Variants in SAMMSON observed in about 807,000 individuals in gnomAD.
The protein encoded by SAMMSON is survival associated mitochondrial melanoma specific oncogenic non-coding RNA, also known as long intergenic non-protein coding RNA 1212.
At chr3:70,065,799 G>A (rs975771729) in intron 3 of SAMMSON, among the ~76,000 whole-genome samples, 1 of 152,198 alleles carries the variant, frequency 6.6e-6, no homozygotes, top group African/African-American at 2.4e-5. Flanking sequence ...AATGTTAATA[G>A]CGCCAAGGTG....
chr3:70,068,716 G>C (rs2107593997), intron 3 of SAMMSON: 1 of 152,186 alleles, frequency 6.6e-6, no homozygotes, highest in Admixed American at 6.6e-5. Context: ...AAAAATATTG[G>C]ATTATTGTGG....
At chr3:70,001,128 A>G (rs1377757438) in intron 1 of SAMMSON, among the ~76,000 whole-genome samples, 1 of 152,030 alleles carries the variant, frequency 6.6e-6, no homozygotes, top group East Asian at 1.9e-4. Flanking sequence ...ATTGATAACA[A>G]CAATCCCCGA....
chr3:70,010,747 A>G (rs1002737226), intron 1 of SAMMSON, among the ~76,000 whole-genome samples: 1 of 152,098 alleles, frequency 6.6e-6, no homozygotes, highest in Admixed American at 6.6e-5. Context: ...GGCTTAATTG[A>G]CTCACAGTTC....
intron 9 of SAMMSON, among the ~76,000 whole-genome samples, chr3:70,360,258 A>G (rs1702861854): frequency 6.6e-6 from 1 of 152,156 alleles, no homozygotes; most frequent in South Asian, 2.1e-4. Flanking sequence ...AACATGTAAA[A>G]TTAAACTAGT....
At chr3:70,125,714 G>A (rs2067455090) in intron 4 of SAMMSON, 1 of 682,572 alleles carries the variant, frequency 1.5e-6, no homozygotes, top group East Asian at 2.7e-5. Flanking sequence ...AACAGCACTA[G>A]ATGTAAACTG....
At chr3:70,096,661 G>C (rs2067324092) in intron 4 of SAMMSON, among the ~76,000 whole-genome samples, 1 of 152,112 alleles carries the variant, frequency 6.6e-6, no homozygotes, top group South Asian at 2.1e-4. Flanking sequence ...TCAAAGGAAG[G>C]ATACTACACA....
chr3:70,264,570 C>A (rs1366099379), intron 6 of SAMMSON, among the ~76,000 whole-genome samples: 2 of 152,186 alleles, frequency 1.3e-5, no homozygotes, highest in Admixed American at 6.5e-5. Flanking sequence ...TTGGGTGAGT[C>A]AAACAGTTGC....
chr3:70,079,929 G>A (rs1045468334), intron 4 of SAMMSON, among the ~76,000 whole-genome samples: 1 of 152,154 alleles, frequency 6.6e-6, no homozygotes, highest in Non-Finnish European at 1.5e-5. Context: ...GGCAGCAAAT[G>A]GCTTGCTGAT....
intron 2 of SAMMSON, among the ~76,000 whole-genome samples, chr3:70,427,402 T>C (rs191165675): frequency 1.6e-3 from 240 of 152,328 alleles, no homozygotes; most frequent in Non-Finnish European, 6.3e-4. Flanking sequence ...AACTAAATGT[T>C]CTGGTAATAC....
At chr3:70,158,831 G>A (rs1019627327) in intron 4 of SAMMSON, among the ~76,000 whole-genome samples, 1 of 151,550 alleles carries the variant, frequency 6.6e-6, no homozygotes, top group Admixed American at 6.6e-5. Flanking sequence ...TCTAATATAG[G>A]GGACCAAATT....
rs187746294 is a variant in SAMMSON, at chr3:70,198,381, G to A, written n.508-50726G>A. 3.7e-3 allele frequency among the ~76,000 whole-genome samples: 559 copies of A among 152,098 alleles called. 5 individuals carry two copies. Among genetic ancestry groups the A allele is most frequent in the Admixed American group, 3.9e-3 (59 of 15,270 alleles). On this transcript the variant is annotated intron_variant and non_coding_transcript_variant, in intron 4 of 9. Coordinates refer to ENST00000642114, the Ensembl canonical transcript of SAMMSON. ...TGCCTACAGTATAAGTGCTCTTATC[G>A]CCGTATTCATTTACTTTTATTTTCC...
intron 7 of SAMMSON, among the ~76,000 whole-genome samples, chr3:70,299,082 A>G (rs1467012866): frequency 6.6e-6 from 1 of 152,166 alleles, no homozygotes; most frequent in South Asian, 2.1e-4. Context: ...AAAACATATC[A>G]TAATGAATTC....
intron 4 of SAMMSON, among the ~76,000 whole-genome samples, chr3:70,153,478 T>C (rs530245593): frequency 3.3e-5 from 5 of 151,866 alleles, no homozygotes; most frequent in Non-Finnish European, 5.9e-5. Context: ...CAATTTCCCA[T>C]TGTACCTATT....
chr3:70,175,354 CCAAT>C (rs1435497930), intron 4 of SAMMSON, among the ~76,000 whole-genome samples: 13 of 152,058 alleles, frequency 8.5e-5, no homozygotes, highest in Non-Finnish European at 1.9e-4. Flanking sequence ...ATCTTTCAGA[CCAAT>C]CAGAGTTATC....
intron 7 of SAMMSON, among the ~76,000 whole-genome samples, chr3:70,330,211 T>C (rs911472997): frequency 2.6e-5 from 4 of 151,940 alleles, no homozygotes; most frequent in Non-Finnish European, 5.9e-5. Flanking sequence ...TAATCAGTAA[T>C]ATTAATATCT....
intron 4 of SAMMSON, among the ~76,000 whole-genome samples, chr3:70,161,402 A>G (rs544086842): frequency 1.3e-5 from 2 of 152,068 alleles, no homozygotes; most frequent in South Asian, 4.1e-4. Context: ...AATTTTTTGA[A>G]TGCGTTTTCA....
chr3:70,188,856 A>T (rs1299850468), intron 4 of SAMMSON, among the ~76,000 whole-genome samples: 2 of 152,194 alleles, frequency 1.3e-5, no homozygotes, highest in African/African-American at 4.8e-5. Context: ...TGACGACTAG[A>T]ACCAATGTTT....
chr3:70,045,151 T>A (rs867386856), intron 3 of SAMMSON, among the ~76,000 whole-genome samples: 25 of 124,324 alleles, frequency 2.0e-4, no homozygotes, highest in Admixed American at 3.7e-4. Flanking sequence ...TTATATATAT[T>A]AATTATAATA....
At chr3:70,241,454 T>G (rs182938039) in intron 4 of SAMMSON, among the ~76,000 whole-genome samples, 2 of 152,178 alleles carry the variant, frequency 1.3e-5, no homozygotes, top group Admixed American at 1.3e-4. Context: ...GTAAATATGA[T>G]GAAAAGAATT....
Sources: allele counts gnomAD v4.1 joint callset (sites outside exome capture counted in the v4.1 genomes callset), GRCh38; gene constraint gnomAD v4.1.1; transcripts MANE v1.5; gene names NCBI Gene and HGNC (gene_info 2026-07-23, HGNC 2026-07-21).